PRRC2B: variants seen among roughly 807,000 people sequenced by gnomAD.
The protein encoded by PRRC2B is proline rich coiled-coil 2B, also known as protein PRRC2B.
PRRC2B carries 68 observed loss-of-function variants against 242.3 expected under a neutral mutation model. The ratio of observed to expected loss-of-function variants is 0.28; its 90% CI spans 0.23 to 0.34. PRRC2B has a LOEUF of 0.34. PRRC2B is among the 10% of genes least tolerant of loss of function. The pLI is 1.00. For synonymous variants in PRRC2B, 1,228 were observed against 1,173.6 expected (o/e 1.05, Z -0.95); for missense variants, 2,835 against 2,954.8 (o/e 0.96, Z 0.94).
At chr9:131,388,376 G>A (rs1331930335) in intron 1 of PRRC2B, among the ~76,000 whole-genome samples, 1 of 148,126 alleles carries the variant, frequency 6.8e-6, no homozygotes, top group Non-Finnish European at 1.5e-5. Context: ...GAGTAGCTGG[G>A]ATTACAGGCA....
intron 1 of PRRC2B, among the ~76,000 whole-genome samples, chr9:131,404,311 C>T (rs1837306420): frequency 6.6e-6 from 1 of 151,516 alleles, no homozygotes; most frequent in African/African-American, 2.4e-5. Context: ...CCTCCGCCTC[C>T]TGGGTTCAAG....
chr9:131,493,546 T>C (rs1944252244), intron 30 of PRRC2B, among the ~76,000 whole-genome samples: 1 of 152,152 alleles, frequency 6.6e-6, no homozygotes, highest in African/African-American at 2.4e-5. Context: ...GTCTATGTAG[T>C]TGTAGGAATG....
chr9:131,462,836 T>TGAAAAAAAAAAAAAAAAAAAA (rs1554763506), intron 11 of PRRC2B, among the ~76,000 whole-genome samples: 1 of 81,940 alleles, frequency 1.2e-5, no homozygotes. Context: ...AGACTCCGTC[T>TGAAAAAAAAAAAAAAAAAAAA]AAAAAAAAAA....
chr9:131,447,624 T>C, intron 8 of PRRC2B, 38 bp from the exon 9 acceptor site: 1 of 1,545,308 alleles, frequency 6.5e-7, no homozygotes, highest in East Asian at 2.3e-5. Context: ...CTTCCGTCTG[T>C]ATACTGGACA....
At chr9:131,431,102 C>T (rs548629449) in intron 2 of PRRC2B, among the ~76,000 whole-genome samples, 2 of 152,212 alleles carry the variant, frequency 1.3e-5, no homozygotes, top group African/African-American at 4.8e-5. Context: ...AGGCATGTGC[C>T]ACCACGCCCG....
At chr9:131,413,787 T>A (rs1837568280) in intron 1 of PRRC2B, among the ~76,000 whole-genome samples, 1 of 152,202 alleles carries the variant, frequency 6.6e-6, no homozygotes, top group African/African-American at 2.4e-5. Flanking sequence ...TTCTTCGGCC[T>A]CAGCCTCCCG....
At chr9:131,397,126 C>G (rs1373925682) in intron 1 of PRRC2B, among the ~76,000 whole-genome samples, 1 of 152,184 alleles carries the variant, frequency 6.6e-6, no homozygotes, top group Non-Finnish European at 1.5e-5. Context: ...TTTTGTCTGA[C>G]TTCACTCGGG....
At chr9:131,400,289 T>C (rs969455769) in intron 1 of PRRC2B, among the ~76,000 whole-genome samples, 1 of 151,880 alleles carries the variant, frequency 6.6e-6, no homozygotes, top group Non-Finnish European at 1.5e-5. Flanking sequence ...GTTTCGCCAT[T>C]TTGCCCAGGC....
chr9:131,423,608 C>G (rs578084280), intron 1 of PRRC2B, among the ~76,000 whole-genome samples: 1 of 152,340 alleles, frequency 6.6e-6, no homozygotes, highest in Admixed American at 6.5e-5. Context: ...TGAAAGATCT[C>G]CTGACTGCCG....
rs1235755682 is a variant in PRRC2B, at chr9:131,474,602, A to G, written c.2473A>G (p.Ile825Val). Reference protein sequence around the residue: ...DFDSCISSQRIGQELLFPPQE... With the variant: ...DFDSCISSQRVGQELLFPPQE... ...TGACAGCTGTATCTCTTCTCAAAGA[A>G]TAGGCCAGGAGCTTTTGTTTCCACC... Residue 825 changes from isoleucine (I) to valine (V), a missense_variant, in exon 16 of 32, where the codon ATA (isoleucine) becomes GTA (valine). Ile to Val is a conservative substitution (Grantham distance 29). Transcript: ENST00000683519. The G allele has an allele frequency of 6.2e-7, 1 of 1,614,056 alleles. No individual in the cohort carries two copies.
chr9:131,425,500 G>T (rs910992307), intron 1 of PRRC2B, among the ~76,000 whole-genome samples: 7 of 151,804 alleles, frequency 4.6e-5, no homozygotes, highest in Non-Finnish European at 8.8e-5. Context: ...TGTTGTTGTT[G>T]TTTTTTGAGA....
intron 14 of PRRC2B, among the ~76,000 whole-genome samples, chr9:131,471,284 T>G (rs1943539344): frequency 6.6e-6 from 1 of 152,246 alleles, no homozygotes; most frequent in Admixed American, 6.5e-5. Flanking sequence ...GCTGTCTCTT[T>G]TTTCTTTGAT....
At chr9:131,409,778 C>G (rs1214362481) in intron 1 of PRRC2B, among the ~76,000 whole-genome samples, 2 of 152,182 alleles carry the variant, frequency 1.3e-5, no homozygotes, top group Non-Finnish European at 2.9e-5. Context: ...AATCGTCTGT[C>G]TCTGTTGATG....
At position 131,475,775 on chromosome 9, in the gene PRRC2B, C is replaced by T. The variant is rs760447209; in HGVS notation, c.3646C>T (p.Arg1216Trp). ...PPRLSNCGYG[R>W]RTFVSKESPH... Reference sequence around the variant, plus strand: ...CCGGCTGAGCAATTGCGGGTATGGACGGAGAACCTTCGTCTCCAAAGAGTC... The same window carrying T: ...CCGGCTGAGCAATTGCGGGTATGGATGGAGAACCTTCGTCTCCAAAGAGTC... Residue 1216 changes from arginine to tryptophan, a missense_variant, in exon 16 of 32, where the codon CGG becomes TGG. Arg to Trp is a moderately radical substitution (Grantham distance 101). This residue lies in a region of PRRC2B where 1,536 missense variants were observed against 1,483.1 expected (regional missense o/e 1.04). Transcript: ENST00000683519. 86 of 1,613,354 alleles carry T rather than the reference C, an allele frequency of 5.3e-5. No individual in the cohort carries two copies. Among genetic ancestry groups the T allele is most frequent in the South Asian group, 7.7e-5 (7 of 91,026 alleles).
chr9:131,424,005 C>T (rs552980106), intron 1 of PRRC2B, among the ~76,000 whole-genome samples: 4 of 152,148 alleles, frequency 2.6e-5, no homozygotes, highest in East Asian at 1.9e-4. Context: ...GCCCAATCTC[C>T]GTTCACTGCA....
chr9:131,473,839 T>A (rs1349179469), intron 15 of PRRC2B, 115 bp downstream of exon 15: 3 of 727,668 alleles, frequency 4.1e-6, no homozygotes, highest in Non-Finnish European at 6.8e-6. Flanking sequence ...GGAGACGTGC[T>A]CCTTGAAGGG....
In PRRC2B at chr9:131,447,722, G is replaced by C; in HGVS notation, c.1038G>C (p.Arg346=). 6.2e-7 allele frequency: 1 copy of C among 1,613,636 alleles called. No individual in the cohort carries two copies. The highest frequency in any genetic ancestry group is 1.1e-5 in the South Asian group (1 of 91,038). ...PLRPLRQLVE[R]APRPTIINAE... ...GCCCACTAAGGCAGCTGGTGGAGCG[G>C]GCACCACGGCCCACCATTATCAATG... Residue 346 remains arginine, a synonymous_variant, in exon 9 of 32, where the codon CGG becomes CGC. Transcript: ENST00000683519.
At chr9:131,423,491 G>A (rs1837899273) in intron 1 of PRRC2B, among the ~76,000 whole-genome samples, 1 of 152,228 alleles carries the variant, frequency 6.6e-6, no homozygotes, top group African/African-American at 2.4e-5. Context: ...AAGCAGTGGG[G>A]CCAGATGCTT....
At position 131,488,116 on chromosome 9, in the gene PRRC2B, T is replaced by C. The variant is rs758400697; in HGVS notation, c.6225+20T>C. ...CCACAGGTCAGGAATTCAGTCACTCTACCCAAAGCCCTAGGCTTCTTTCCT... is the reference window on the plus strand; with the variant it reads ...CCACAGGTCAGGAATTCAGTCACTCCACCCAAAGCCCTAGGCTTCTTTCCT... On this transcript the variant is annotated intron_variant, in intron 28 of 31. Transcript: ENST00000683519. The C allele has an allele frequency of 6.8e-6, 11 of 1,605,920 alleles. No homozygotes were observed. The East Asian group carries it at 2.5e-4, about 36-fold the overall frequency.
Sources: allele counts gnomAD v4.1 joint callset (sites outside exome capture counted in the v4.1 genomes callset), GRCh38; gene constraint gnomAD v4.1.1; regional missense constraint gnomAD v4.1.1; transcripts MANE v1.5; gene names NCBI Gene and HGNC (gene_info 2026-07-23, HGNC 2026-07-21).